The following LYPD6B variants were observed in gnomAD, a reference collection of about 807,000 sequenced individuals.
LYPD6B encodes ly6/PLAUR domain-containing protein 6B.
Under a neutral mutation model 22.8 loss-of-function variants are expected in LYPD6B, and 17 were observed. The observed-to-expected ratio is 0.75, with a 90% CI of 0.51 to 1.12. LYPD6B has a LOEUF of 1.12. Among genes scored for constraint, LYPD6B ranks in the 50% most tolerant of loss-of-function variants. LYPD6B has a pLI of 0.00. For missense variants in LYPD6B, 221 were observed against 258.3 expected (o/e 0.86, Z 0.99); for synonymous variants, 106 against 91.6 (o/e 1.16, Z -0.90).
At chr2:149,064,746 T>C (rs1186902403) in intron 1 of LYPD6B, among the ~76,000 whole-genome samples, 1 of 152,184 alleles carries the variant, frequency 6.6e-6, no homozygotes, top group East Asian at 1.9e-4. Context: ...GATGTGGCGT[T>C]TGGGGACCTG....
intron 1 of LYPD6B, among the ~76,000 whole-genome samples, chr2:149,073,433 C>A (rs1306548818): frequency 1.3e-5 from 2 of 152,140 alleles, no homozygotes; most frequent in South Asian, 2.1e-4. Flanking sequence ...TCTTTGATTT[C>A]CTGCTGTTAC....
At chr2:149,208,968 T>C (rs979740632) in intron 5 of LYPD6B, among the ~76,000 whole-genome samples, 2 of 152,032 alleles carry the variant, frequency 1.3e-5, no homozygotes, top group African/African-American at 4.8e-5. Context: ...AGCTGCCACG[T>C]GGAGATCTGT....
intron 1 of LYPD6B, among the ~76,000 whole-genome samples, chr2:149,058,191 A>AT (rs922485608): frequency 2.0e-5 from 3 of 152,120 alleles, no homozygotes; most frequent in African/African-American, 7.2e-5. Flanking sequence ...TAAATGCGTG[A>AT]TTTTCCAACC....
chr2:149,051,937 T>C (rs1683581742), intron 1 of LYPD6B, among the ~76,000 whole-genome samples: 1 of 152,112 alleles, frequency 6.6e-6, no homozygotes, highest in African/African-American at 2.4e-5. Context: ...CTTTGGGCTA[T>C]ATTATTTTTA....
chr2:149,195,499 A>C (rs2106087601), intron 3 of LYPD6B, among the ~76,000 whole-genome samples: 1 of 152,362 alleles, frequency 6.6e-6, no homozygotes, highest in East Asian at 1.9e-4. Flanking sequence ...TAGATTTACC[A>C]GAAGGCTGAT....
At chr2:149,041,530 G>A (rs1319082109) in intron 1 of LYPD6B, among the ~76,000 whole-genome samples, 1 of 152,184 alleles carries the variant, frequency 6.6e-6, no homozygotes, top group Non-Finnish European at 1.5e-5. Flanking sequence ...CTGTAGGAGG[G>A]GCTCACCTAC....
intron 1 of LYPD6B, among the ~76,000 whole-genome samples, chr2:149,123,241 T>C (rs1687488129): frequency 6.6e-6 from 1 of 152,206 alleles, no homozygotes; most frequent in Admixed American, 6.5e-5. Flanking sequence ...TCATTCAGCA[T>C]GTTAAATTAA....
chr2:149,045,423 C>G (rs1452065542), intron 1 of LYPD6B, among the ~76,000 whole-genome samples: 1 of 151,840 alleles, frequency 6.6e-6, no homozygotes, highest in Non-Finnish European at 1.5e-5. Context: ...TTGATTTCTG[C>G]TCTTATTTTA....
intron 1 of LYPD6B, among the ~76,000 whole-genome samples, chr2:149,120,833 A>G (rs1229391343): frequency 8.7e-6 from 1 of 114,542 alleles, no homozygotes; most frequent in Admixed American, 1.2e-4. Flanking sequence ...TCTGTCACCC[A>G]GCCTGGAGTG....
chr2:149,211,485 T>C (rs1693849440), intron 5 of LYPD6B, among the ~76,000 whole-genome samples: 1 of 152,176 alleles, frequency 6.6e-6, no homozygotes, highest in African/African-American at 2.4e-5. Flanking sequence ...CCTTAAGGCT[T>C]ATGGTGAAGA....
chr2:149,100,718 C>T (rs1001946140), intron 1 of LYPD6B, among the ~76,000 whole-genome samples: 1 of 152,176 alleles, frequency 6.6e-6, no homozygotes, highest in African/African-American at 2.4e-5. Context: ...TTTATGTGGA[C>T]TTGTTAAGTT....
intron 1 of LYPD6B, among the ~76,000 whole-genome samples, chr2:149,067,516 A>G (rs1324810961): frequency 6.6e-6 from 1 of 151,678 alleles, no homozygotes; most frequent in Non-Finnish European, 1.5e-5. Context: ...TTTGAAAAGT[A>G]TGTATATTTT....
chr2:149,048,821 C>T (rs550230116), intron 1 of LYPD6B, among the ~76,000 whole-genome samples: 5 of 152,140 alleles, frequency 3.3e-5, no homozygotes, highest in Admixed American at 6.5e-5. Context: ...ATACTGGTGT[C>T]GTTTCCCTTC....
intron 2 of LYPD6B, among the ~76,000 whole-genome samples, chr2:149,135,906 TC>T (rs1688341327): frequency 6.6e-6 from 1 of 151,992 alleles, no homozygotes; most frequent in Admixed American, 6.6e-5. Flanking sequence ...CTGCCATCCC[TC>T]CCCATGCCAG....
At chr2:149,097,551 T>C (rs974492257) in intron 1 of LYPD6B, among the ~76,000 whole-genome samples, 10 of 152,138 alleles carry the variant, frequency 6.6e-5, no homozygotes, top group Non-Finnish European at 1.5e-4. Flanking sequence ...GTCACCTCCG[T>C]TGGGGGCTGC....
intron 1 of LYPD6B, among the ~76,000 whole-genome samples, chr2:149,120,321 A>ATATGTGTG: frequency 7.7e-6 from 1 of 130,338 alleles, no homozygotes; most frequent in African/African-American, 2.9e-5. Context: ...GTGTATATAT[A>ATATGTGTG]TGTGTATATA....
intron 3 of LYPD6B, among the ~76,000 whole-genome samples, chr2:149,173,190 A>T (rs545596345): frequency 1.1e-3 from 168 of 150,186 alleles, no homozygotes; most frequent in African/African-American, 3.8e-3. Flanking sequence ...TTTTTTTTTT[A>T]AAAAAAGACA....
chr2:149,162,449 A>C (rs1297267093), intron 3 of LYPD6B, among the ~76,000 whole-genome samples: 1 of 152,154 alleles, frequency 6.6e-6, no homozygotes, highest in Non-Finnish European at 1.5e-5. Flanking sequence ...ACAGCACTGA[A>C]TGGGGCCAAC....
intron 3 of LYPD6B, chr2:149,205,036 C>G: frequency 2.1e-6 from 1 of 471,274 alleles, no homozygotes; most frequent in Middle Eastern, 5.5e-4. Context: ...TCTGCTAAAG[C>G]CCACCTGGCT....
Sources: allele counts gnomAD v4.1 joint callset (sites outside exome capture counted in the v4.1 genomes callset), GRCh38; gene constraint gnomAD v4.1.1; transcripts MANE v1.5; gene names NCBI Gene and HGNC (gene_info 2026-07-23, HGNC 2026-07-21).